MRPS23: variants seen among roughly 807,000 people sequenced by gnomAD.
MRPS23 encodes the protein mitochondrial ribosomal protein S23.
Under a neutral mutation model 19.8 loss-of-function variants are expected in MRPS23, and 14 were observed. The ratio of observed to expected loss-of-function variants is 0.71; its 90% CI spans 0.47 to 1.11. The LOEUF is 1.11. MRPS23 is among the 50% of genes least tolerant of loss of function. The probability of loss-of-function intolerance (pLI) is 0.00; values close to 1 mark genes in which losing one functional copy is unlikely to be tolerated. For missense variants in MRPS23, 242 were observed against 236.7 expected (o/e 1.02, Z -0.15); for synonymous variants, 113 against 89.7 (o/e 1.26, Z -1.47).
At position 57,849,299 on chromosome 17, in the gene MRPS23, T is replaced by G; in HGVS notation, c.156A>C (p.Arg52=). The G allele has an allele frequency of 6.2e-7, 1 of 1,614,242 alleles. No individual in the cohort carries two copies. The highest frequency in any genetic ancestry group is 2.2e-5 in the East Asian group (1 of 44,888). The change falls in exon 2 of 5, where the codon CGA becomes CGC. Residue 52 remains arginine, a synonymous_variant. Coordinates refer to ENST00000313608, the MANE Select transcript of MRPS23 (RefSeq NM_016070.4). ...REPVFQRPRV[R]YGKAKAPIQD... Reference sequence around the variant, plus strand: ...GGATGGGAGCTTTGGCTTTGCCATATCGCACTCGAGGCCTTTGGAAGACGG... The same window carrying G: ...GGATGGGAGCTTTGGCTTTGCCATAGCGCACTCGAGGCCTTTGGAAGACGG...
intron 1 of MRPS23, 141 bp from the exon 2 acceptor site, chr17:57,849,551 A>ATCTTCTCTGTAG: frequency 2.0e-6 from 2 of 1,014,342 alleles, no homozygotes; most frequent in Non-Finnish European, 2.8e-6. Flanking sequence ...CCACCTACAG[A>ATCTTCTCTGTAG]GAAGATCTGT....
intron 2 of MRPS23, among the ~76,000 whole-genome samples, chr17:57,845,673 C>T (rs1334564561): frequency 3.3e-5 from 5 of 152,174 alleles, no homozygotes; most frequent in East Asian, 1.9e-4. Context: ...CCCACTGTTC[C>T]TGAAATTGTT....
rs542220696 is a variant in MRPS23 at position 57,849,977 on chromosome 17, T to C, written c.34A>G (p.Ile12Val). 6.9e-6 allele frequency: 11 copies of C among 1,589,530 alleles called. No individual in the cohort carries two copies. Among genetic ancestry groups the C allele is most frequent in the Non-Finnish European group, 9.4e-6 (11 of 1,174,490 alleles). Residue 12 changes from isoleucine to valine, a missense_variant, in exon 1 of 5, where the codon ATC becomes GTC. Transcript: ENST00000313608. ...GCTGGGAGCACACACCGAGAGAAGA[T>C]GCTCCCTACGGTTTCCAGCCGGCTG... ...AGSRLETVGS[I>V]FSRTRDLVRA...
chr17:57,840,838 G>T, intron 4 of MRPS23, 88 bp downstream of exon 4: 1 of 1,509,646 alleles, frequency 6.6e-7, no homozygotes, highest in Non-Finnish European at 8.9e-7. Flanking sequence ...GTGAATATTG[G>T]TATCTGCAGG....
rs2073734246 is a variant in MRPS23 at position 57,840,608 on chromosome 17, C to CAA, written c.420+317_420+318insTT. ...GGTCAACCCTCTGCATCTACAGGTTCCACATATGCAGATTCAACAAACCAC... is the reference window on the plus strand; with the variant it reads ...GGTCAACCCTCTGCATCTACAGGTTCAACACATATGCAGATTCAACAAACCAC... On this transcript the variant is annotated intron_variant, in intron 4 of 4. Transcript: ENST00000313608. Among the ~76,000 whole-genome samples, 4 of 151,774 alleles carry CAA rather than the reference C, an allele frequency of 2.6e-5. No individual in the cohort carries two copies. In the South Asian group the frequency reaches 8.3e-4, roughly 32 times the overall value.
rs2073714670 is a variant in MRPS23 at position 57,837,822 on chromosome 17, A to C, written c.*1961T>G. 6.6e-6 allele frequency: 1 copy of C among 152,414 alleles called. No individual in the cohort carries two copies. The highest frequency in any genetic ancestry group is 1.5e-5 in the Non-Finnish European group (1 of 68,750). The allele number at this position is 152,414 out of a possible 1,614,324, so 9.4% of individuals were successfully genotyped here. A position where few individuals can be genotyped will look rare whatever the true frequency, so the allele number is the denominator to read the frequency against. On this transcript the variant is annotated 3_prime_UTR_variant, in exon 5 of 5. Coordinates refer to ENST00000313608, the MANE Select transcript of MRPS23 (RefSeq NM_016070.4). ...TCCATCTCTACAAAAAAAAACAAAC[A>C]AAAAAAATGTTAAAGAGCCAGGCGT...
At chr17:57,841,955 A>G (rs1343871229) in intron 2 of MRPS23, among the ~76,000 whole-genome samples, 2 of 152,154 alleles carry the variant, frequency 1.3e-5, no homozygotes, top group East Asian at 1.9e-4. Flanking sequence ...TCAAAAAATA[A>G]TAACAAAATA....
intron 2 of MRPS23, among the ~76,000 whole-genome samples, chr17:57,841,651 CA>C (rs781563302): frequency 2.0e-5 from 3 of 152,228 alleles, no homozygotes; most frequent in Non-Finnish European, 2.9e-5. Context: ...CCTTGCTCTA[CA>C]TCTTGCCTTT....
chr17:57,842,253 A>T (rs567119554), intron 2 of MRPS23, among the ~76,000 whole-genome samples: 1 of 152,306 alleles, frequency 6.6e-6, no homozygotes, highest in African/African-American at 2.4e-5. Flanking sequence ...GCCTCAAGAG[A>T]TCCTCCCACC....
chr17:57,850,021 T>A lies in MRPS23; in HGVS notation c.-11A>T. 1 of 1,591,118 alleles carries A rather than the reference T, an allele frequency of 6.3e-7. No individual in the cohort carries two copies. Reference sequence around the variant, plus strand: ...CCGGCTGCCTGCCATGATCTGCGCCTGGTACCGAGCGTGACTAGCTGCTAC... The same window carrying A: ...CCGGCTGCCTGCCATGATCTGCGCCAGGTACCGAGCGTGACTAGCTGCTAC... On this transcript the variant is annotated 5_prime_UTR_variant, in exon 1 of 5. Transcript: ENST00000313608.
intron 2 of MRPS23, 117 bp downstream of exon 2, chr17:57,849,123 C>T: frequency 1.5e-6 from 2 of 1,356,250 alleles, no homozygotes; most frequent in Non-Finnish European, 2.0e-6. Flanking sequence ...GCTAGATAAG[C>T]CTTCTCCACA....
At chr17:57,842,882 ATATATAT>A (rs1568015674) in intron 2 of MRPS23, among the ~76,000 whole-genome samples, 4 of 38,176 alleles carry the variant, frequency 1.0e-4, no homozygotes, top group African/African-American at 3.5e-4. Context: ...AAAAAAAAAT[ATATATAT>A]ATACACACAC....
Position 57,849,812 on chromosome 17 carries a change from C to G in MRPS23, c.44+155G>C, listed in dbSNP as rs2073800242. Reference sequence around the variant, plus strand: ...CATCCTCAGGCACAACTATTCGGAGCCAGGAGAAAACATGAGAGGGCCTCA... The same window carrying G: ...CATCCTCAGGCACAACTATTCGGAGGCAGGAGAAAACATGAGAGGGCCTCA... On this transcript the variant is annotated intron_variant, in intron 1 of 4. Coordinates refer to ENST00000313608, the MANE Select transcript of MRPS23 (RefSeq NM_016070.4). The G allele has an allele frequency of 3.5e-6, 3 of 863,434 alleles. No homozygotes were observed. In the South Asian group the frequency reaches 5.3e-5, roughly 15 times the overall value. The allele number at this position is 863,434 out of a possible 1,614,324, so 53.5% of individuals were successfully genotyped here. A position where few individuals can be genotyped will look rare whatever the true frequency, so the allele number is the denominator to read the frequency against.
intron 2 of MRPS23, 127 bp downstream of exon 2, chr17:57,849,113 G>T: frequency 8.1e-7 from 1 of 1,227,798 alleles, no homozygotes; most frequent in Non-Finnish European, 1.1e-6. Context: ...CCCTAATTTG[G>T]CTAGATAAGC....
In MRPS23 at chr17:57,837,014, T is replaced by C. The variant is rs1191382207; in HGVS notation, c.*2769A>G. On this transcript the variant is annotated 3_prime_UTR_variant, in exon 5 of 5. Transcript: ENST00000313608. ...CTCTTTAAAGCCAAGAATGCGGTCATGCTTCCATTCTCTCCAAAACGTGAT... is the reference window on the plus strand; with the variant it reads ...CTCTTTAAAGCCAAGAATGCGGTCACGCTTCCATTCTCTCCAAAACGTGAT... 6.6e-6 allele frequency: 1 copy of C among 152,242 alleles called. No individual in the cohort carries two copies. The highest frequency in any genetic ancestry group is 2.4e-5 in the African/African-American group (1 of 41,466). The allele number at this position is 152,242 out of a possible 1,614,324, so 9.4% of individuals were successfully genotyped here.
chr17:57,846,077 A>T (rs1321765902), intron 2 of MRPS23, among the ~76,000 whole-genome samples: 1 of 58,434 alleles, frequency 1.7e-5, no homozygotes. Flanking sequence ...GAAGTGTGAC[A>T]TCTTTGTTTT....
At chr17:57,846,792 A>T (rs532404194) in intron 2 of MRPS23, among the ~76,000 whole-genome samples, 13 of 152,214 alleles carry the variant, frequency 8.5e-5, no homozygotes, top group East Asian at 7.7e-4. Context: ...GAACGCAGGG[A>T]CCTCTGCCTA....
chr17:57,847,749 T>C (rs1250356239), intron 2 of MRPS23, among the ~76,000 whole-genome samples: 1 of 149,254 alleles, frequency 6.7e-6, no homozygotes, highest in African/African-American at 2.5e-5. Flanking sequence ...CAGGCTGGAG[T>C]GCAGTGGTGC....
At chr17:57,841,696 C>T (rs557670755) in intron 2 of MRPS23, among the ~76,000 whole-genome samples, 37 of 152,384 alleles carry the variant, frequency 2.4e-4, no homozygotes, top group African/African-American at 7.9e-4. Context: ...CGCAGTGGCT[C>T]ATGCCTATAA....
Sources: allele counts gnomAD v4.1 joint callset (sites outside exome capture counted in the v4.1 genomes callset), GRCh38; gene constraint gnomAD v4.1.1; transcripts MANE v1.5; gene names NCBI Gene and HGNC (gene_info 2026-07-23, HGNC 2026-07-21).